IGSF11: variants seen among roughly 807,000 people sequenced by gnomAD.
IGSF11 encodes the protein CXADR like 1.
Under a neutral mutation model 41.0 loss-of-function variants are expected in IGSF11, and 22 were observed. That is an observed-to-expected ratio of 0.54 (90% CI 0.38 to 0.77). IGSF11 has a LOEUF of 0.77. Among genes scored for constraint, IGSF11 ranks in the 30% least tolerant of loss-of-function variants. The pLI, the probability that IGSF11 is intolerant of heterozygous loss-of-function variation, is 0.00. For missense variants in IGSF11, 444 were observed against 530.8 expected (o/e 0.84, Z 1.61); for synonymous variants, 219 against 201.3 (o/e 1.09, Z -0.74).
intron 1 of IGSF11, among the ~76,000 whole-genome samples, chr3:119,010,935 C>G (rs1938043681): frequency 6.6e-6 from 1 of 152,148 alleles, no homozygotes; most frequent in Non-Finnish European, 1.5e-5. Context: ...AGGAATCATA[C>G]TAGTTAAAAA....
intron 1 of IGSF11, among the ~76,000 whole-genome samples, chr3:119,046,198 G>T (rs1464966921): frequency 6.7e-6 from 1 of 150,060 alleles, no homozygotes; most frequent in Non-Finnish European, 1.5e-5. Context: ...ATTACTCTGA[G>T]CTACGGGAGG....
intron 1 of IGSF11, among the ~76,000 whole-genome samples, chr3:119,115,067 G>A (rs1217874799): frequency 6.6e-6 from 1 of 152,112 alleles, no homozygotes; most frequent in Admixed American, 6.5e-5. Flanking sequence ...CCATCCCCAT[G>A]GTTCAATCAT....
chr3:119,060,416 C>A (rs1423015021), intron 1 of IGSF11, among the ~76,000 whole-genome samples: 1 of 152,138 alleles, frequency 6.6e-6, no homozygotes, highest in Non-Finnish European at 1.5e-5. Context: ...TGCCTCCAAT[C>A]TGATAGCACA....
intron 1 of IGSF11, among the ~76,000 whole-genome samples, chr3:119,041,562 G>A (rs114679069): frequency 1.3e-5 from 2 of 152,126 alleles, no homozygotes; most frequent in African/African-American, 2.4e-5. Flanking sequence ...TCCAGCCTGG[G>A]CAACAAGCAA....
At chr3:119,107,714 G>A (rs917257663), upstream of IGSF11, among the ~76,000 whole-genome samples, 1 of 152,084 alleles carries the variant, frequency 6.6e-6, no homozygotes, top group Non-Finnish European at 1.5e-5. Context: ...GGTTTTTATG[G>A]TTTTAGGTCT....
At chr3:118,962,539 A>G (rs1945406871) in intron 1 of IGSF11, among the ~76,000 whole-genome samples, 1 of 152,168 alleles carries the variant, frequency 6.6e-6, no homozygotes, top group African/African-American at 2.4e-5. Context: ...CAGGTGGAAG[A>G]AGTATTTGGG....
intron 3 of IGSF11, 23 bp from the exon 4 acceptor site, chr3:118,926,279 T>G (rs747846520): frequency 2.6e-6 from 4 of 1,547,168 alleles, no homozygotes; most frequent in Non-Finnish European, 3.5e-6. Flanking sequence ...GAATAAGCAA[T>G]AAAGTACACA....
chr3:118,997,082 G>A (rs1576589535), intron 1 of IGSF11, among the ~76,000 whole-genome samples: 2 of 152,180 alleles, frequency 1.3e-5, no homozygotes, highest in Admixed American at 6.5e-5. Flanking sequence ...ATGGCAACTG[G>A]TAGTAGGAGC....
Position 119,141,042 on chromosome 3 carries a change from T to TAAAAA in IGSF11, c.-14+4766_-14+4770dup, listed in dbSNP as rs35323898. Among the ~76,000 whole-genome samples the TAAAAA allele has an allele frequency of 2.2e-4, 22 of 99,762 alleles. No individual in the cohort carries two copies. In the East Asian group the frequency reaches 2.6e-3, roughly 12 times the overall value. The allele number at this position is 99,762 out of a possible 152,430, so 65.4% of individuals were successfully genotyped here. On this transcript the variant is annotated intron_variant, in intron 1 of 7. Transcript: ENST00000425327. ...TGGGCCACAGGAGACTCTGTCTCAT[T>TAAAAA]AAAAAAAAAAAAAAAAAAATACAAA...
intron 1 of IGSF11, among the ~76,000 whole-genome samples, chr3:119,009,035 G>A (rs9850865): frequency 0.4 from 60,538 of 152,002 alleles, 14,775 homozygotes; most frequent in African/African-American, 0.69. Context: ...CCTATTACTT[G>A]TAATAAATTT....
intron 1 of IGSF11, among the ~76,000 whole-genome samples, chr3:119,078,329 A>T (rs2076534757): frequency 1.3e-5 from 2 of 152,206 alleles, no homozygotes; most frequent in Non-Finnish European, 2.9e-5. Context: ...GACCATGACC[A>T]ATGGTACACC....
At chr3:119,071,766 T>C (rs964891608) in intron 1 of IGSF11, among the ~76,000 whole-genome samples, 4 of 152,144 alleles carry the variant, frequency 2.6e-5, no homozygotes, top group African/African-American at 7.2e-5. Flanking sequence ...TAAGTGTGAG[T>C]CTTCCCACTT....
intron 1 of IGSF11, among the ~76,000 whole-genome samples, chr3:119,064,951 T>G (rs566622651): frequency 1.3e-4 from 20 of 152,326 alleles, no homozygotes; most frequent in Non-Finnish European, 2.4e-4. Flanking sequence ...TACAATCATG[T>G]CATGTAAAAA....
At chr3:119,059,333 G>C (rs1035966386) in intron 1 of IGSF11, among the ~76,000 whole-genome samples, 5 of 152,094 alleles carry the variant, frequency 3.3e-5, no homozygotes, top group African/African-American at 1.2e-4. Flanking sequence ...AACATTGTAT[G>C]TTCTCATTTA....
intron 1 of IGSF11, among the ~76,000 whole-genome samples, chr3:119,120,175 T>C (rs1186992177): frequency 1.3e-5 from 2 of 152,152 alleles, no homozygotes; most frequent in African/African-American, 4.8e-5. Context: ...GAAACACTAC[T>C]GTCAAAACAT....
intron 1 of IGSF11, among the ~76,000 whole-genome samples, chr3:119,049,542 A>G (rs1349728971): frequency 6.6e-6 from 1 of 151,980 alleles, no homozygotes; most frequent in Non-Finnish European, 1.5e-5. Flanking sequence ...ATGGGTAGGA[A>G]GAATCAATAT....
intron 1 of IGSF11, among the ~76,000 whole-genome samples, chr3:119,120,727 T>A (rs979132659): frequency 2.0e-5 from 3 of 152,172 alleles, no homozygotes; most frequent in African/African-American, 7.2e-5. Context: ...TACCTGAAGG[T>A]TGCCATGACA....
chr3:119,038,295 TTA>T (rs1339459267), upstream of IGSF11, among the ~76,000 whole-genome samples: 4 of 152,224 alleles, frequency 2.6e-5, no homozygotes, highest in Non-Finnish European at 5.9e-5. Flanking sequence ...AAATTTTGGA[TTA>T]ACTCATAACG....
chr3:118,902,466 C>CA lies in IGSF11; in HGVS notation c.*53_*54insT. 1 of 878,268 alleles carries CA rather than the reference C, an allele frequency of 1.1e-6. No homozygotes were observed. The highest frequency in any genetic ancestry group is 1.8e-6 in the Non-Finnish European group (1 of 544,882). 54.4% of individuals were successfully genotyped at this position (878,268 alleles called of 1,614,324 possible). On this transcript the variant is annotated 3_prime_UTR_variant, in exon 7 of 7. Coordinates refer to ENST00000393775, the MANE Select transcript of IGSF11 (RefSeq NM_001015887.3). Reference sequence around the variant, plus strand: ...CAGCACTCCCCACCCCACCCTCCCCCTTGTATGAGGGCATTCCATTTATTC... The same window carrying CA: ...CAGCACTCCCCACCCCACCCTCCCCCATTGTATGAGGGCATTCCATTTATTC...
Sources: allele counts gnomAD v4.1 joint callset (sites outside exome capture counted in the v4.1 genomes callset), GRCh38; gene constraint gnomAD v4.1.1; transcripts MANE v1.5; gene names NCBI Gene and HGNC (gene_info 2026-07-23, HGNC 2026-07-21).